Variants in TPO observed in about 807,000 individuals in gnomAD.
TPO encodes thyroid peroxidase, also known as thyroid microsomal antigen.
In TPO, 78 loss-of-function variants were observed where a neutral mutation model predicts 96.9. That is an observed-to-expected ratio of 0.81 (90% CI 0.67 to 0.97). The LOEUF is 0.97. Ranked by LOEUF, TPO falls within the 50% of genes least tolerant of loss-of-function variation. The pLI is 0.00. For synonymous variants in TPO, 547 were observed against 538.0 expected, an observed-to-expected ratio of 1.02 and a Z score of -0.23; for missense variants, 1,252 against 1,274.8, an observed-to-expected ratio of 0.98 and a Z score of 0.27.
At chr2:1,470,689 C>T (rs1399528179) in intron 7 of TPO, among the ~76,000 whole-genome samples, 1 of 152,096 alleles carries the variant, frequency 6.6e-6, no homozygotes, top group African/African-American at 2.4e-5. Context: ...GCATCTGCCT[C>T]TGTTCCTAGA....
chr2:1,497,574 C>T (rs1672483129), intron 13 of TPO, among the ~76,000 whole-genome samples: 1 of 152,176 alleles, frequency 6.6e-6, no homozygotes, highest in Admixed American at 6.5e-5. Flanking sequence ...AAAACCTGGA[C>T]CGCTGGTTCT....
rs750606591 is a variant in TPO, at chr2:1,487,972, C to A, written c.1749C>A (p.Gly583=). The change falls in exon 10 of 17, where the codon GGC becomes GGA. Residue 583 remains glycine, a synonymous_variant. Transcript: ENST00000329066. ...TGGCGTCCATCAACCTGCAGAGGGG[C>A]CGGGACCACGGGCTGCCAGGTCTGC... is the stretch of plus-strand genomic sequence containing the variant. ...LDLASINLQR[G]RDHGLPGYNE... 1 of 1,613,528 alleles carries A rather than the reference C, an allele frequency of 6.2e-7. No homozygotes were observed. Among genetic ancestry groups the A allele is most frequent in the Admixed American group, 1.7e-5 (1 of 60,024 alleles).
chr2:1,488,081 G>A (rs1671348361), intron 10 of TPO, 90 bp downstream of exon 10: 2 of 1,580,120 alleles, frequency 1.3e-6, no homozygotes, highest in Admixed American at 1.7e-5. Flanking sequence ...TGATTTAGAG[G>A]AAAACAATCA....
intron 7 of TPO, among the ~76,000 whole-genome samples, chr2:1,469,453 G>A (rs945577757): frequency 1.3e-5 from 2 of 152,144 alleles, no homozygotes; most frequent in African/African-American, 4.8e-5. Context: ...CTTCCTGAGA[G>A]CTAAGGTGTA....
chr2:1,395,598 G>C (rs1662067363), intron 1 of TPO, among the ~76,000 whole-genome samples: 1 of 152,124 alleles, frequency 6.6e-6, no homozygotes, highest in African/African-American at 2.4e-5. Context: ...TGTCGTTAAT[G>C]AGTGGTCTGG....
intron 15 of TPO, among the ~76,000 whole-genome samples, chr2:1,531,321 T>G (rs1252947242): frequency 7.7e-5 from 7 of 90,994 alleles, no homozygotes; most frequent in African/African-American, 1.4e-4. Flanking sequence ...CCAACTGTGT[T>G]CAACCTCCCC....
upstream of TPO, among the ~76,000 whole-genome samples, chr2:1,409,824 A>G (rs1042436958): frequency 6.6e-6 from 1 of 152,084 alleles, no homozygotes; most frequent in Admixed American, 6.6e-5. Flanking sequence ...ACGTGCACAT[A>G]CACACACAAG....
Position 1,484,748 on chromosome 2 carries a change from C to T in TPO, c.1491C>T (p.Ile497=), listed in dbSNP as rs149718460. The T allele has an allele frequency of 1.6e-3, 2,623 of 1,614,098 alleles. 43 individuals are homozygous for T. In the African/African-American group the frequency reaches 0.028, roughly 17 times the overall value. ...CCTTCCGCTTCGGCCATGCCACGAT[C>T]CACCCGCTGGTGAGGAGGCTGGACG... ...TAAFRFGHAT[I]HPLVRRLDAS... Residue 497 remains isoleucine (I), a synonymous_variant, in exon 9 of 17, where the codon ATC becomes ATT. Coordinates refer to ENST00000329066, the MANE Select transcript of TPO (RefSeq NM_001206744.2).
chr2:1,435,379 C>G (rs527981247), intron 4 of TPO, among the ~76,000 whole-genome samples: 9 of 152,356 alleles, frequency 5.9e-5, no homozygotes, highest in African/African-American at 2.2e-4. Context: ...GTTTACTTAA[C>G]TGTTCCCATA....
At chr2:1,486,025 C>A (rs369273568) in intron 9 of TPO, among the ~76,000 whole-genome samples, 1 of 152,004 alleles carries the variant, frequency 6.6e-6, no homozygotes, top group Non-Finnish European at 1.5e-5. Flanking sequence ...AGGGTTTTTA[C>A]GGTTTTAGGT....
intron 3 of TPO, among the ~76,000 whole-genome samples, chr2:1,428,031 A>G (rs1167666923): frequency 6.6e-6 from 1 of 152,222 alleles, no homozygotes; most frequent in Non-Finnish European, 1.5e-5. Context: ...TCGTGGGAAC[A>G]TACATTTGAT....
intron 2 of TPO, among the ~76,000 whole-genome samples, chr2:1,422,395 G>GACCGACCTCGTGCAGGC (rs1163151839): frequency 1.3e-5 from 2 of 151,456 alleles, no homozygotes; most frequent in African/African-American, 4.9e-5. Flanking sequence ...CGCCGCGCTG[G>GACCGACCTCGTGCAGGC]GCCATGGGGA....
At chr2:1,422,328 G>GCC (rs1460021350) in intron 2 of TPO, among the ~76,000 whole-genome samples, 10 of 135,554 alleles carry the variant, frequency 7.4e-5, no homozygotes, top group African/African-American at 2.2e-4. Context: ...ACCTCGTGCA[G>GCC]GCGCCTCTCC....
intron 14 of TPO, among the ~76,000 whole-genome samples, chr2:1,512,134 C>T (rs1052132551): frequency 2.6e-5 from 4 of 151,990 alleles, no homozygotes; most frequent in Non-Finnish European, 5.9e-5. Context: ...CCCGGGTTCA[C>T]GCCATTCTCC....
chr2:1,463,643 C>A (rs1399158424), intron 7 of TPO, among the ~76,000 whole-genome samples: 2 of 152,218 alleles, frequency 1.3e-5, no homozygotes, highest in Non-Finnish European at 2.9e-5. Flanking sequence ...GCTGTGAGAG[C>A]TTTGCAGCAT....
intron 1 of TPO, among the ~76,000 whole-genome samples, chr2:1,380,846 A>G (rs1318244288): frequency 2.0e-5 from 3 of 152,228 alleles, no homozygotes; most frequent in Middle Eastern, 3.2e-3. Flanking sequence ...TTTAGGAAGC[A>G]TGGTGGCATC....
intron 16 of TPO, chr2:1,541,951 C>T (rs1188858551): frequency 1.0e-5 from 2 of 195,208 alleles, no homozygotes; most frequent in East Asian, 1.3e-4. Context: ...CGTCTTTGCA[C>T]CTGGCTCCCA....
Position 1,543,350 on chromosome 2 carries a change from C to T in TPO, c.*876C>T, listed in dbSNP as rs1035774438. ...TGAAAGCAAACTCAGACACATCTGA[C>T]CTGGAGTTCTACCTGCACTAAGAGA... On this transcript the variant is annotated 3_prime_UTR_variant, in exon 17 of 17. Coordinates refer to ENST00000329066, the MANE Select transcript of TPO (RefSeq NM_001206744.2). 6.6e-6 allele frequency: 1 copy of T among 152,256 alleles called. No homozygotes were observed. The allele number at this position is 152,256 out of a possible 1,614,324, so 9.4% of individuals were successfully genotyped here. A position where few individuals can be genotyped will look rare whatever the true frequency, so the allele number is the denominator to read the frequency against.
intron 10 of TPO, 136 bp from the exon 11 acceptor site, chr2:1,493,666 T>C (rs1325180946): frequency 9.9e-7 from 1 of 1,012,480 alleles, no homozygotes; most frequent in African/African-American, 1.7e-5. Flanking sequence ...CCTGGCAAAC[T>C]GCCAGGCAGT....
Sources: allele counts gnomAD v4.1 joint callset (sites outside exome capture counted in the v4.1 genomes callset), GRCh38; gene constraint gnomAD v4.1.1; transcripts MANE v1.5; gene names NCBI Gene and HGNC (gene_info 2026-07-23, HGNC 2026-07-21).